TXK: variants seen among roughly 807,000 people sequenced by gnomAD.
TXK encodes the protein tyrosine-protein kinase TXK.
A neutral mutation model predicts 81.0 loss-of-function variants in TXK; 60 were observed. The ratio of observed to expected loss-of-function variants is 0.74; its 90% CI spans 0.60 to 0.92. The LOEUF (loss-of-function observed/expected upper bound fraction) is 0.92. TXK is among the 40% of genes least tolerant of loss of function. TXK has a pLI of 0.00. For missense variants in TXK, 581 were observed against 638.3 expected (o/e 0.91, Z 0.97); for synonymous variants, 203 against 210.7 (o/e 0.96, Z 0.32).
chr4:48,088,429 T>C (rs1228666103), intron 9 of TXK, among the ~76,000 whole-genome samples: 1 of 152,186 alleles, frequency 6.6e-6, no homozygotes, highest in Non-Finnish European at 1.5e-5. Context: ...CGAATGGCCA[T>C]CTACAAGAAG....
Position 48,066,487 on chromosome 4 carries a change from A to G in TXK, c.*1150T>C, listed in dbSNP as rs1716605560. ...GAAATATAATTTAAAAGTCGCAACT[A>G]CTGACAATCAACAAATAAACTCTAA... On this transcript the variant is annotated 3_prime_UTR_variant, in exon 15 of 15. Transcript: ENST00000264316. 1 of 152,232 alleles carries G rather than the reference A, an allele frequency of 6.6e-6. No individual in the cohort carries two copies. Among genetic ancestry groups the G allele is most frequent in the African/African-American group, 2.4e-5 (1 of 41,466 alleles). 9.4% of individuals were successfully genotyped at this position (152,232 alleles called of 1,614,324 possible).
At chr4:48,108,086 A>C (rs1417057539) in intron 5 of TXK, among the ~76,000 whole-genome samples, 1 of 152,008 alleles carries the variant, frequency 6.6e-6, no homozygotes, top group Non-Finnish European at 1.5e-5. Flanking sequence ...TAAATAAATA[A>C]ATAAATAAAA....
chr4:48,106,111 G>GTCATCCTTGCACAGGGAACATGCTAA (rs1412630907), intron 5 of TXK: 5 of 152,174 alleles, frequency 3.3e-5, no homozygotes, highest in Admixed American at 2.6e-4. Flanking sequence ...GAATTTGTGT[G>GTCATCCTTGCACAGGGAACATGCTAA]TCATCCTTGC....
intron 6 of TXK, among the ~76,000 whole-genome samples, chr4:48,098,923 A>G (rs575896732): frequency 1.1e-3 from 158 of 147,460 alleles, no homozygotes; most frequent in African/African-American, 3.8e-3. Context: ...ACAGAGCAAG[A>G]CTGTCAAAAA....
chr4:48,072,631 G>T lies in TXK; in HGVS notation c.1358-957C>A, dbSNP rs141376478. Among the ~76,000 whole-genome samples the T allele has an allele frequency of 2.3e-3, 344 of 152,334 alleles. 1 individual carries two copies. The highest frequency in any genetic ancestry group is 3.3e-3 in the Non-Finnish European group (226 of 68,034). On this transcript the variant is annotated intron_variant, in intron 13 of 14. Transcript: ENST00000264316. Reference sequence around the variant, plus strand: ...ACAAATATTTACTAGACATTGATGAGAGGCGAGGCCTCTGCTGGGGCCTGG... The same window carrying T: ...ACAAATATTTACTAGACATTGATGATAGGCGAGGCCTCTGCTGGGGCCTGG...
chr4:48,098,979 CACTA>C (rs1220214194), intron 6 of TXK, among the ~76,000 whole-genome samples: 2 of 152,018 alleles, frequency 1.3e-5, no homozygotes, highest in African/African-American at 2.4e-5. Flanking sequence ...AAATAATGCC[CACTA>C]ACTATCATCA....
intron 1 of TXK, among the ~76,000 whole-genome samples, chr4:48,122,637 AATT>A (rs1321947635): frequency 6.6e-6 from 1 of 152,150 alleles, no homozygotes; most frequent in Non-Finnish European, 1.5e-5. Flanking sequence ...TTTTGTTCAC[AATT>A]ATTATATCCC....
At chr4:48,105,918 C>T (rs752781115) in intron 5 of TXK, among the ~76,000 whole-genome samples, 1 of 152,030 alleles carries the variant, frequency 6.6e-6, no homozygotes, top group Non-Finnish European at 1.5e-5. Context: ...CAGAAGTACA[C>T]ACAGTAAACA....
chr4:48,091,739 A>C (rs1170930492), intron 8 of TXK, among the ~76,000 whole-genome samples: 1 of 152,132 alleles, frequency 6.6e-6, no homozygotes, highest in Non-Finnish European at 1.5e-5. Context: ...TCCTGACCTC[A>C]GGTGATCCAC....
At chr4:48,068,232 G>A (rs1393411119) in intron 14 of TXK, among the ~76,000 whole-genome samples, 1 of 152,172 alleles carries the variant, frequency 6.6e-6, no homozygotes, top group Non-Finnish European at 1.5e-5. Context: ...ATCTCAGAAA[G>A]TACTCTAGGA....
At chr4:48,082,570 C>T (rs903655156) in intron 10 of TXK, among the ~76,000 whole-genome samples, 2 of 152,224 alleles carry the variant, frequency 1.3e-5, no homozygotes, top group Middle Eastern at 3.4e-3. Flanking sequence ...CTGATATGGA[C>T]AGGAGACAGG....
At chr4:48,107,658 A>T (rs1718498516) in intron 5 of TXK, among the ~76,000 whole-genome samples, 2 of 152,088 alleles carry the variant, frequency 1.3e-5, no homozygotes, top group Admixed American at 1.3e-4. Flanking sequence ...ATCGCCTAGG[A>T]TTAAGCCCAG....
At chr4:48,099,239 C>G (rs1718095245) in intron 6 of TXK, among the ~76,000 whole-genome samples, 1 of 152,086 alleles carries the variant, frequency 6.6e-6, no homozygotes, top group Admixed American at 6.5e-5. Context: ...ACAAGATACA[C>G]TCATTTATGA....
intron 6 of TXK, among the ~76,000 whole-genome samples, chr4:48,100,908 C>A (rs1397766815): frequency 6.6e-6 from 1 of 151,482 alleles, no homozygotes; most frequent in Non-Finnish European, 1.5e-5. Flanking sequence ...AAATATATAT[C>A]CTTATGTAAA....
At chr4:48,097,428 T>TTTC (rs1185303526) in intron 6 of TXK, among the ~76,000 whole-genome samples, 2 of 151,340 alleles carry the variant, frequency 1.3e-5, no homozygotes, top group Non-Finnish European at 3.0e-5. Context: ...ACCACTTTTT[T>TTTC]TTTTTTTTTG....
chr4:48,084,297 T>A (rs1451284320), intron 10 of TXK, among the ~76,000 whole-genome samples: 1 of 151,986 alleles, frequency 6.6e-6, no homozygotes, highest in Non-Finnish European at 1.5e-5. Context: ...TTTCGCCATG[T>A]TACCTAGGTT....
At chr4:48,079,861 C>G in intron 11 of TXK, 51 bp downstream of exon 11, 1 of 1,261,152 alleles carries the variant, frequency 7.9e-7, no homozygotes, top group Non-Finnish European at 1.2e-6. Flanking sequence ...TCACATCCTT[C>G]TGAATATAGG....
rs940848669 is a variant in TXK at position 48,112,594 on chromosome 4, T to C, written c.175-82A>G. The stretch of plus-strand genomic sequence containing the variant: ...AATATAGGGACAAAGCATATTTGCC[T>C]TCTGCCTCACTTTTCTTATCCAGCT... On this transcript the variant is annotated intron_variant, in intron 3 of 14. Transcript: ENST00000264316. 458 of 1,407,562 alleles carry C rather than the reference T, an allele frequency of 3.3e-4. 2 individuals carry two copies. The highest frequency in any genetic ancestry group is 9.9e-5 in the Non-Finnish European group (104 of 1,050,634). The allele number at this position is 1,407,562 out of a possible 1,614,324, so 87.2% of individuals were successfully genotyped here. A position where few individuals can be genotyped will look rare whatever the true frequency, so the allele number is the denominator to read the frequency against.
chr4:48,086,234 T>A (rs918225059), intron 10 of TXK, among the ~76,000 whole-genome samples: 1 of 152,218 alleles, frequency 6.6e-6, no homozygotes, highest in African/African-American at 2.4e-5. Context: ...ATTCACACAT[T>A]GATCCAGTGA....
Sources: allele counts gnomAD v4.1 joint callset (sites outside exome capture counted in the v4.1 genomes callset), GRCh38; gene constraint gnomAD v4.1.1; transcripts MANE v1.5; gene names NCBI Gene and HGNC (gene_info 2026-07-23, HGNC 2026-07-21).